FGF12: variants seen among roughly 807,000 people sequenced by gnomAD.
The protein encoded by FGF12 is fibroblast growth factor 12B.
A neutral mutation model predicts 23.6 loss-of-function variants in FGF12; 14 were observed. The observed-to-expected ratio is 0.59, with a 90% CI of 0.39 to 0.93. The LOEUF (loss-of-function observed/expected upper bound fraction) is 0.93. Among genes scored for constraint, FGF12 ranks in the 40% least tolerant of loss-of-function variants. The pLI is 0.00. For missense variants in FGF12, 175 were observed against 217.8 expected, an observed-to-expected ratio of 0.80 and a Z score of 1.24; for synonymous variants, 62 against 77.3, an observed-to-expected ratio of 0.80 and a Z score of 1.04.
At chr3:192,624,125 T>G (rs895579397) in intron 2 of FGF12, among the ~76,000 whole-genome samples, 1 of 152,070 alleles carries the variant, frequency 6.6e-6, no homozygotes, top group Non-Finnish European at 1.5e-5. Context: ...TTAGTGAAAT[T>G]TGCTAATACT....
chr3:192,664,453 T>C (rs923751826), intron 2 of FGF12, among the ~76,000 whole-genome samples: 1 of 151,812 alleles, frequency 6.6e-6, no homozygotes, highest in Admixed American at 6.6e-5. Flanking sequence ...ATGAGGTTTT[T>C]AAAAGTCACC....
rs760205482 is a variant in FGF12, at chr3:192,604,680, ATTT to A, written c.13+122498_13+122500del. 7.2e-5 allele frequency among the ~76,000 whole-genome samples: 11 copies of A among 152,324 alleles called. No homozygotes were observed. The South Asian group carries it at 8.3e-4, about 11-fold the overall frequency. ...CTATTCCTATCAAGCTACAAATGTC[ATTT>A]TTTACAGAACTAGAAAAAACTATTC... is the stretch of plus-strand genomic sequence containing the variant. On this transcript the variant is annotated intron_variant, in intron 2 of 5. Transcript: ENST00000445105.
intron 2 of FGF12, among the ~76,000 whole-genome samples, chr3:192,499,590 G>T (rs1724072133): frequency 7.6e-6 from 1 of 131,418 alleles, no homozygotes; most frequent in Non-Finnish European, 1.5e-5. Context: ...GGAGTGCAGT[G>T]GCGCAATCTT....
chr3:192,210,405 C>A (rs1717869147), intron 4 of FGF12, among the ~76,000 whole-genome samples: 1 of 152,166 alleles, frequency 6.6e-6, no homozygotes, highest in Admixed American at 6.5e-5. Flanking sequence ...CCAGATAATT[C>A]TTGGAGCTCA....
intron 4 of FGF12, among the ~76,000 whole-genome samples, chr3:192,220,278 A>T (rs887616245): frequency 3.9e-5 from 6 of 152,058 alleles, no homozygotes; most frequent in Non-Finnish European, 5.9e-5. Flanking sequence ...ACCCTCCATG[A>T]CCTGGCTCCT....
At chr3:192,600,552 C>G (rs531194293) in intron 2 of FGF12, among the ~76,000 whole-genome samples, 1 of 152,046 alleles carries the variant, frequency 6.6e-6, no homozygotes, top group South Asian at 2.1e-4. Context: ...ATTCATACAA[C>G]AGAAGATTAA....
At chr3:192,537,960 T>TTTTTTTTTTTTTTTTTTTTTTG in intron 2 of FGF12, among the ~76,000 whole-genome samples, 1 of 149,596 alleles carries the variant, frequency 6.7e-6, no homozygotes, top group South Asian at 2.2e-4. Context: ...CTTTTTTTTT[T>TTTTTTTTTTTTTTTTTTTTTTG]TTTGAGATGG....
At chr3:192,296,314 C>A (rs908932637) in intron 4 of FGF12, among the ~76,000 whole-genome samples, 9 of 150,648 alleles carry the variant, frequency 6.0e-5, no homozygotes, top group African/African-American at 2.2e-4. Flanking sequence ...GCCTTGACCT[C>A]CCAGGCTCAA....
intron 2 of FGF12, among the ~76,000 whole-genome samples, chr3:192,712,372 T>A (rs1358213931): frequency 6.6e-6 from 1 of 151,268 alleles, no homozygotes; most frequent in East Asian, 1.9e-4. Flanking sequence ...AAGAAAAAAA[T>A]TCTAGAATTA....
chr3:192,146,335 A>G (rs1355588118), intron 5 of FGF12, among the ~76,000 whole-genome samples: 2 of 139,186 alleles, frequency 1.4e-5, no homozygotes, highest in East Asian at 2.1e-4. Flanking sequence ...CTTTGGTGCT[A>G]TCTAGGCTCA....
chr3:192,440,528 G>A (rs1310283401), intron 2 of FGF12, among the ~76,000 whole-genome samples: 1 of 152,200 alleles, frequency 6.6e-6, no homozygotes, highest in Non-Finnish European at 1.5e-5. Context: ...ACTGCCAACA[G>A]ACACACTGTG....
intron 4 of FGF12, among the ~76,000 whole-genome samples, chr3:192,191,505 T>C (rs1716787843): frequency 6.6e-6 from 1 of 152,092 alleles, no homozygotes; most frequent in Non-Finnish European, 1.5e-5. Context: ...TTTGTAACTT[T>C]TTCTCCATTT....
At chr3:192,375,836 T>C (rs1719466723) in intron 2 of FGF12, among the ~76,000 whole-genome samples, 1 of 151,566 alleles carries the variant, frequency 6.6e-6, no homozygotes, top group African/African-American at 2.4e-5. Context: ...CCCTCAGCAT[T>C]CTGGAAAAAA....
rs183010254 is a variant in FGF12 at position 192,147,912 on chromosome 3, T to A, written c.428-3785A>T. ...TATTCCTAAAGTCATTCAGAAATGG[T>A]AATAAAAGAAAACATATGGCTGTTA... On this transcript the variant is annotated intron_variant, in intron 5 of 5. Transcript: ENST00000445105. Among the ~76,000 whole-genome samples, 527 of 152,218 alleles carry A rather than the reference T, an allele frequency of 3.5e-3. 1 individual carries two copies. The highest frequency in any genetic ancestry group is 0.012 in the African/African-American group (510 of 41,532).
At chr3:192,348,806 C>A (rs964589394) in intron 3 of FGF12, among the ~76,000 whole-genome samples, 1 of 152,216 alleles carries the variant, frequency 6.6e-6, no homozygotes, top group African/African-American at 2.4e-5. Context: ...TTTAACCTTC[C>A]TGTGCCTCAA....
intron 2 of FGF12, among the ~76,000 whole-genome samples, chr3:192,578,218 C>T (rs1560157061): frequency 6.6e-6 from 1 of 152,204 alleles, no homozygotes; most frequent in East Asian, 1.9e-4. Flanking sequence ...GTAGCAATCA[C>T]AATGTGCCAG....
At chr3:192,492,353 A>G (rs1033831558) in intron 2 of FGF12, among the ~76,000 whole-genome samples, 3 of 152,168 alleles carry the variant, frequency 2.0e-5, no homozygotes, top group Non-Finnish European at 4.4e-5. Flanking sequence ...TTATGGAGAA[A>G]GAAAAAAATA....
rs187477541 is a variant in FGF12 at position 192,512,628 on chromosome 3, G to A, written c.14-152090C>T. 1.7e-3 allele frequency among the ~76,000 whole-genome samples: 254 copies of A among 151,184 alleles called. 1 individual carries two copies. Among genetic ancestry groups the A allele is most frequent in the African/African-American group, 5.4e-3 (222 of 41,232 alleles). Reference sequence around the variant, plus strand: ...TAAGTTTAAAAGAGTCACAATTTTCGTAAAGGTAGTTTAGTTCCCAGAAAC... The same window carrying A: ...TAAGTTTAAAAGAGTCACAATTTTCATAAAGGTAGTTTAGTTCCCAGAAAC... On this transcript the variant is annotated intron_variant, in intron 2 of 5. Coordinates refer to ENST00000445105, the MANE Select transcript of FGF12 (RefSeq NM_004113.6).
At chr3:192,468,581 T>C (rs1201050118) in intron 2 of FGF12, among the ~76,000 whole-genome samples, 1 of 152,228 alleles carries the variant, frequency 6.6e-6, no homozygotes, top group Non-Finnish European at 1.5e-5. Context: ...AAAATCATGC[T>C]GTGTCCTTCT....
Sources: allele counts gnomAD v4.1 joint callset (sites outside exome capture counted in the v4.1 genomes callset), GRCh38; gene constraint gnomAD v4.1.1; transcripts MANE v1.5; gene names NCBI Gene and HGNC (gene_info 2026-07-23, HGNC 2026-07-21).